MAP4K3: variants seen among roughly 807,000 people sequenced by gnomAD.
MAP4K3 encodes MAPK/ERK kinase kinase kinase 3.
Under a neutral mutation model 143.5 loss-of-function variants are expected in MAP4K3, and 94 were observed. The ratio of observed to expected loss-of-function variants is 0.65; its 90% CI spans 0.55 to 0.78. MAP4K3 has a LOEUF of 0.78. Among genes scored for constraint, MAP4K3 ranks in the 30% least tolerant of loss-of-function variants. MAP4K3 has a pLI of 0.00. For synonymous variants in MAP4K3, 416 were observed against 347.2 expected (o/e 1.20, Z -2.20); for missense variants, 1,077 against 1,068.1 (o/e 1.01, Z -0.12).
intron 1 of MAP4K3, among the ~76,000 whole-genome samples, chr2:39,406,350 A>T (rs1267275998): frequency 3.9e-5 from 6 of 152,172 alleles, no homozygotes; most frequent in Non-Finnish European, 8.8e-5. Context: ...TCCTAAACCT[A>T]GAGAAAGATA....
intron 28 of MAP4K3, among the ~76,000 whole-genome samples, chr2:39,261,914 A>C (rs1490778048): frequency 6.6e-6 from 1 of 152,090 alleles, no homozygotes; most frequent in Non-Finnish European, 1.5e-5. Flanking sequence ...AAAAGGAAGA[A>C]CTTTCTAGGT....
chr2:39,269,908 T>A (rs1174876618), intron 26 of MAP4K3, among the ~76,000 whole-genome samples: 1 of 152,188 alleles, frequency 6.6e-6, no homozygotes, highest in Admixed American at 6.5e-5. Flanking sequence ...CCCTTTCATA[T>A]ACATTGGAGT....
chr2:39,267,138 G>C (rs368878887), intron 27 of MAP4K3, 51 bp downstream of exon 27: 1 of 1,560,334 alleles, frequency 6.4e-7, no homozygotes, highest in Non-Finnish European at 8.8e-7. Flanking sequence ...TTTTATGCCA[G>C]ATTTTAGGAG....
intron 1 of MAP4K3, among the ~76,000 whole-genome samples, chr2:39,401,368 G>A (rs1045654282): frequency 2.0e-5 from 3 of 152,150 alleles, no homozygotes; most frequent in Non-Finnish European, 4.4e-5. Flanking sequence ...AATAGTTCAT[G>A]CTCTCATCGG....
intron 3 of MAP4K3, among the ~76,000 whole-genome samples, chr2:39,345,068 T>C (rs940582315): frequency 6.6e-6 from 1 of 152,156 alleles, no homozygotes; most frequent in African/African-American, 2.4e-5. Context: ...ACATGAACAA[T>C]ACATTAAAAA....
In MAP4K3 at chr2:39,298,328, TA is replaced by T. The variant is rs138510965; in HGVS notation, c.1178+1414del. 2.3e-3 allele frequency among the ~76,000 whole-genome samples: 355 copies of T among 152,142 alleles called. 3 individuals are homozygous for T. Among genetic ancestry groups the T allele is most frequent in the African/African-American group, 8.3e-3 (345 of 41,546 alleles). On this transcript the variant is annotated intron_variant, in intron 16 of 33. Transcript: ENST00000263881. ...AAAATTTTACACTTATTTTCCATTTTAAAAAACATAAATGCTAATAATAATA... is the reference window on the plus strand; with the variant it reads ...AAAATTTTACACTTATTTTCCATTTTAAAAACATAAATGCTAATAATAATA...
At chr2:39,323,779 A>T (rs1195349421) in intron 12 of MAP4K3, 1 of 152,136 alleles carries the variant, frequency 6.6e-6, no homozygotes, top group Non-Finnish European at 1.5e-5. Context: ...AAAAAAGTGC[A>T]TGAAAAGTTC....
At chr2:39,333,633 T>C in intron 6 of MAP4K3, 59 bp from the exon 7 acceptor site, 1 of 911,326 alleles carries the variant, frequency 1.1e-6, no homozygotes, top group Non-Finnish European at 1.8e-6. Flanking sequence ...AGACAGCACA[T>C]ATATAATAAA....
chr2:39,420,420 A>G (rs1161613161), intron 1 of MAP4K3, among the ~76,000 whole-genome samples: 2 of 151,784 alleles, frequency 1.3e-5, no homozygotes, highest in African/African-American at 4.8e-5. Context: ...ATTTTTTTTA[A>G]TTTTGTTTTT....
At position 39,384,261 on chromosome 2, in the gene MAP4K3, T is replaced by C. The variant is rs559088768; in HGVS notation, c.97-6138A>G. ...AGCACTGTCGGCCGGGCATGGTGGC[T>C]CAAGCCGGGCGTCGTGGCTCATGCC... On this transcript the variant is annotated intron_variant, in intron 1 of 33. Transcript: ENST00000263881. Among the ~76,000 whole-genome samples the C allele has an allele frequency of 3.5e-3, 532 of 152,248 alleles. 1 individual carries two copies. The highest frequency in any genetic ancestry group is 6.0e-3 in the Non-Finnish European group (411 of 68,024).
At chr2:39,432,245 G>T (rs574316819) in intron 1 of MAP4K3, among the ~76,000 whole-genome samples, 7 of 152,088 alleles carry the variant, frequency 4.6e-5, no homozygotes, top group Non-Finnish European at 1.0e-4. Context: ...CATTAGATAC[G>T]TTTCACCAAT....
Position 39,299,728 on chromosome 2 carries a change from AAG to A in MAP4K3, c.1178+13_1178+14del. The A allele has an allele frequency of 6.7e-7, 1 of 1,491,658 alleles. No homozygotes were observed. Among genetic ancestry groups the A allele is most frequent in the East Asian group, 2.3e-5 (1 of 43,362 alleles). The allele number at this position is 1,491,658 out of a possible 1,614,324, so 92.4% of individuals were successfully genotyped here. ...TTCTTGAATTTAAATTAAGTTTTAA[AAG>A]AACTTTACTTACTTGTTTGCACCTA... is the stretch of plus-strand genomic sequence containing the variant. On this transcript the variant is annotated intron_variant, in intron 16 of 33. Transcript: ENST00000263881.
intron 31 of MAP4K3, 103 bp downstream of exon 31, chr2:39,258,245 T>TA: frequency 1.1e-6 from 1 of 893,028 alleles, no homozygotes; most frequent in Non-Finnish European, 1.7e-6. Context: ...TCCTTTATTT[T>TA]AAAAAAAGAA....
chr2:39,268,720 AC>A (rs1680886939), intron 26 of MAP4K3, among the ~76,000 whole-genome samples: 1 of 136,234 alleles, frequency 7.3e-6, no homozygotes, highest in Admixed American at 9.1e-5. Context: ...GTTCACTGCA[AC>A]CTCTGCCTCC....
In MAP4K3 at chr2:39,334,938, T is replaced by C. The variant is rs1683813632; in HGVS notation, c.415-1364A>G. Among the ~76,000 whole-genome samples the C allele has an allele frequency of 2.0e-5, 3 of 152,034 alleles. No homozygotes were observed. In the South Asian group the frequency reaches 6.2e-4, roughly 32 times the overall value. ...GGGAAGGCCTCTCCAAAGGCAGTAA[T>C]ATATGAGCAGAGATCTGGGTGAAGT... is the stretch of plus-strand genomic sequence containing the variant. On this transcript the variant is annotated intron_variant, in intron 6 of 33. Transcript: ENST00000263881.
At chr2:39,267,403 G>A in intron 26 of MAP4K3, 156 bp from the exon 27 acceptor site, 1 of 617,930 alleles carries the variant, frequency 1.6e-6, no homozygotes, top group Non-Finnish European at 2.8e-6. Context: ...CGGGTGCCAT[G>A]GCACGTTGCC....
chr2:39,270,818 A>G (rs1680986003), intron 26 of MAP4K3, among the ~76,000 whole-genome samples: 1 of 152,222 alleles, frequency 6.6e-6, no homozygotes, highest in Non-Finnish European at 1.5e-5. Context: ...AAGAAATGGT[A>G]TGAATGCACA....
chr2:39,425,601 AAG>A, intron 1 of MAP4K3, among the ~76,000 whole-genome samples: 1 of 152,296 alleles, frequency 6.6e-6, no homozygotes, highest in African/African-American at 2.4e-5. Context: ...ACAAGCCAGA[AAG>A]AGAGCATCAC....
At chr2:39,316,235 T>C (rs542307032) in intron 12 of MAP4K3, among the ~76,000 whole-genome samples, 137 of 152,216 alleles carry the variant, frequency 9.0e-4, no homozygotes, top group African/African-American at 3.2e-3. Context: ...CACAAAGGAA[T>C]ACTGGAAAAC....
Sources: gnomAD v4.1 joint callset for allele counts (sites outside exome capture counted in the v4.1 genomes callset) on GRCh38, gnomAD v4.1.1 for gene constraint, MANE v1.5 for transcripts, NCBI Gene and HGNC (gene_info 2026-07-23, HGNC 2026-07-21) for gene names.